SESTD1: variants seen among roughly 807,000 people sequenced by gnomAD.
The protein encoded by SESTD1 is SEC14 and spectrin domain containing 1, also known as SEC14 domain and spectrin repeat-containing protein 1.
Under a neutral mutation model 101.7 loss-of-function variants are expected in SESTD1, and 43 were observed. The ratio of observed to expected loss-of-function variants is 0.42; its 90% CI spans 0.33 to 0.55. The LOEUF is 0.55. Ranked by LOEUF, SESTD1 falls within the 20% of genes least tolerant of loss-of-function variation. The probability of loss-of-function intolerance (pLI) is 0.07; values close to 1 mark genes in which losing one functional copy is unlikely to be tolerated. For synonymous variants in SESTD1, 283 were observed against 286.8 expected, an observed-to-expected ratio of 0.99 and a Z score of 0.13; for missense variants, 647 against 815.1, an observed-to-expected ratio of 0.79 and a Z score of 2.51.
intron 17 of SESTD1, among the ~76,000 whole-genome samples, chr2:179,111,540 G>A (rs183978326): frequency 1.5e-3 from 235 of 152,286 alleles, no homozygotes; most frequent in Non-Finnish European, 2.7e-3. Flanking sequence ...GTAGAGCTGA[G>A]ACCTCTGGCT....
At chr2:179,112,928 AAAG>A (rs2044543294) in intron 16 of SESTD1, 83 bp from the exon 17 acceptor site, 1 of 1,462,928 alleles carries the variant, frequency 6.8e-7, no homozygotes, top group Admixed American at 2.5e-5. Context: ...CCACAAAAAA[AAAG>A]AGAGAAAAGA....
At position 179,214,865 on chromosome 2, in the gene SESTD1, G is replaced by C. The variant is rs1379056549; in HGVS notation, c.-25-22999C>G. 8.1e-5 allele frequency among the ~76,000 whole-genome samples: 11 copies of C among 135,190 alleles called. 2 individuals carry two copies. The highest frequency in any genetic ancestry group is 3.2e-4 in the African/African-American group (11 of 34,216). 88.7% of individuals were successfully genotyped at this position (135,190 alleles called of 152,430 possible). A position where few individuals can be genotyped will look rare whatever the true frequency, so the allele number is the denominator to read the frequency against. ...AAAACCACTCAACTACATGGAAACT[G>C]AACATCCTGCTCCTGAATGACTACT... On this transcript the variant is annotated intron_variant, in intron 1 of 17. Coordinates refer to ENST00000428443, the MANE Select transcript of SESTD1 (RefSeq NM_178123.5).
intron 1 of SESTD1, among the ~76,000 whole-genome samples, chr2:179,235,505 T>C (rs1387765107): frequency 3.3e-5 from 5 of 152,360 alleles, no homozygotes; most frequent in East Asian, 1.9e-4. Context: ...TCTCAACATA[T>C]GTCCAAACCC....
chr2:179,138,141 A>C (rs1035035160), intron 9 of SESTD1, among the ~76,000 whole-genome samples: 2 of 152,220 alleles, frequency 1.3e-5, no homozygotes, highest in Non-Finnish European at 2.9e-5. Context: ...CCAGTTTTTA[A>C]CAGTAATCTC....
chr2:179,118,513 A>C (rs2044682380), intron 13 of SESTD1, among the ~76,000 whole-genome samples: 1 of 152,206 alleles, frequency 6.6e-6, no homozygotes, highest in South Asian at 2.1e-4. Context: ...GTCCTTAAAG[A>C]AAGCTTAATA....
chr2:179,230,087 T>C (rs1574052586), intron 1 of SESTD1, among the ~76,000 whole-genome samples: 1 of 133,518 alleles, frequency 7.5e-6, no homozygotes, highest in Non-Finnish European at 1.6e-5. Flanking sequence ...AAGATTTTAA[T>C]AAATATTCCA....
intron 1 of SESTD1, among the ~76,000 whole-genome samples, chr2:179,204,923 G>C (rs1240146462): frequency 7.4e-6 from 1 of 134,992 alleles, no homozygotes; most frequent in Non-Finnish European, 1.6e-5. Context: ...TGCAGATACA[G>C]AGACAACAGT....
chr2:179,180,135 T>C (rs770069073), intron 3 of SESTD1, among the ~76,000 whole-genome samples: 1 of 152,198 alleles, frequency 6.6e-6, no homozygotes, highest in Non-Finnish European at 1.5e-5. Flanking sequence ...AGGGCCAACC[T>C]GTGTAGAAAA....
At position 179,139,458 on chromosome 2, in the gene SESTD1, A is replaced by G. The variant is rs544236627; in HGVS notation, c.849+4134T>C. Among the ~76,000 whole-genome samples the G allele has an allele frequency of 6.6e-5, 10 of 152,346 alleles. No homozygotes were observed. In the East Asian group the frequency reaches 1.9e-3, roughly 29 times the overall value. ...AATGAAAATATACCAAGCTTGCAGC[A>G]TGTTGAACATTAATTGTTAGGTCAG... On this transcript the variant is annotated intron_variant, in intron 9 of 17. Coordinates refer to ENST00000428443, the MANE Select transcript of SESTD1 (RefSeq NM_178123.5).
intron 1 of SESTD1, among the ~76,000 whole-genome samples, chr2:179,262,528 G>A (rs1285589692): frequency 6.6e-6 from 1 of 151,986 alleles, no homozygotes; most frequent in Non-Finnish European, 1.5e-5. Context: ...TGCTCATGTT[G>A]CTTGTAACAG....
chr2:179,176,588 T>C, intron 3 of SESTD1, 50 bp from the exon 4 acceptor site: 1 of 1,443,554 alleles, frequency 6.9e-7, no homozygotes, highest in South Asian at 1.2e-5. Context: ...CAGATTTCGT[T>C]CTTCATAATT....
In SESTD1 at chr2:179,103,524, A is replaced by G. The variant is rs1261723109; in HGVS notation, c.*6375T>C. ...CTTTATTTATAATGGCCAATCCTGG[A>G]AACAGCCCAGGTATCTATCAATAAT... On this transcript the variant is annotated 3_prime_UTR_variant, in exon 18 of 18. Coordinates refer to ENST00000428443, the MANE Select transcript of SESTD1 (RefSeq NM_178123.5). 2.6e-5 allele frequency: 4 copies of G among 152,128 alleles called. No homozygotes were observed. Among genetic ancestry groups the G allele is most frequent in the Non-Finnish European group, 5.9e-5 (4 of 68,006 alleles). The allele number at this position is 152,128 out of a possible 1,614,324, so 9.4% of individuals were successfully genotyped here. A position where few individuals can be genotyped will look rare whatever the true frequency, so the allele number is the denominator to read the frequency against.
intron 1 of SESTD1, among the ~76,000 whole-genome samples, chr2:179,214,211 T>A (rs1299128960): frequency 7.4e-6 from 1 of 134,242 alleles, no homozygotes; most frequent in East Asian, 2.0e-4. Context: ...TCAAGACCCA[T>A]CAGTGTGCTG....
chr2:179,118,996 C>T (rs577155330), intron 13 of SESTD1, among the ~76,000 whole-genome samples: 3 of 152,274 alleles, frequency 2.0e-5, no homozygotes, highest in African/African-American at 7.2e-5. Flanking sequence ...ATGCATGAAA[C>T]AGCATGATGC....
chr2:179,249,367 C>T (rs2047280743), intron 1 of SESTD1, among the ~76,000 whole-genome samples: 2 of 152,138 alleles, frequency 1.3e-5, no homozygotes, highest in Non-Finnish European at 1.5e-5. Context: ...TTTCTACATA[C>T]TAGCAACGAA....
intron 5 of SESTD1, among the ~76,000 whole-genome samples, chr2:179,170,623 T>C (rs1301251464): frequency 6.6e-6 from 1 of 152,142 alleles, no homozygotes; most frequent in African/African-American, 2.4e-5. Context: ...AGTGTTTTTT[T>C]GGATGTTAGT....
Position 179,121,790 on chromosome 2 carries a change from A to G in SESTD1, c.1422T>C (p.Asp474=). The G allele has an allele frequency of 6.3e-7, 1 of 1,588,276 alleles. No individual in the cohort carries two copies. The highest frequency in any genetic ancestry group is 1.4e-5 in the African/African-American group (1 of 73,622). The change falls in exon 13 of 18, where the codon GAT becomes GAC. Residue 474 remains aspartate (D), a synonymous_variant. Coordinates refer to ENST00000428443, the MANE Select transcript of SESTD1 (RefSeq NM_178123.5). ...TTTGCCTTTGTTTTCTAAGCTGCAT[A>G]TCTTCCATCACTCCTTGTATGTGGT... ...NVDHIQGVME[D]MQLRKQRCED...
Position 179,165,262 on chromosome 2 carries a change from C to T in SESTD1, c.369+6858G>A, listed in dbSNP as rs1575455463. On this transcript the variant is annotated intron_variant, in intron 5 of 17. Transcript: ENST00000428443. The stretch of plus-strand genomic sequence containing the variant: ...CATATTGATATAAGAAGTTTTAATG[C>T]TTCTGTTTTAAAACAACAATCTATG... Among the ~76,000 whole-genome samples the T allele has an allele frequency of 4.6e-5, 7 of 152,276 alleles. No individual in the cohort carries two copies. In the East Asian group the frequency reaches 7.7e-4, roughly 17 times the overall value.
At chr2:179,191,697 A>T (rs1300891248) in intron 2 of SESTD1, 90 bp downstream of exon 2, 30 of 901,510 alleles carry the variant, frequency 3.3e-5, no homozygotes, top group Non-Finnish European at 4.3e-5. Context: ...AACTTTCATT[A>T]AAAAAAAATG....
Sources: allele counts gnomAD v4.1 joint callset (sites outside exome capture counted in the v4.1 genomes callset), GRCh38; gene constraint gnomAD v4.1.1; transcripts MANE v1.5; gene names NCBI Gene and HGNC (gene_info 2026-07-23, HGNC 2026-07-21).